Variants in HMCN1 observed in about 807,000 individuals in gnomAD.
HMCN1 encodes the protein hemicentin-1.
In HMCN1, 321 loss-of-function variants were observed where a neutral mutation model predicts 625.9. That is an observed-to-expected ratio of 0.51 (90% CI 0.47 to 0.56). HMCN1 has a LOEUF of 0.56. Among genes scored for constraint, HMCN1 ranks in the 20% least tolerant of loss-of-function variants. The probability of loss-of-function intolerance (pLI) is 0.00; values close to 1 mark genes in which losing one functional copy is unlikely to be tolerated. For synonymous variants in HMCN1, 2,425 were observed against 2,417.6 expected (o/e 1.00, Z -0.09); for missense variants, 6,588 against 6,887.3 (o/e 0.96, Z 1.54).
At chr1:186,016,471 G>A (rs138130239) in intron 32 of HMCN1, among the ~76,000 whole-genome samples, 35 of 152,152 alleles carry the variant, frequency 2.3e-4, no homozygotes, top group African/African-American at 8.4e-4. Flanking sequence ...ATTTGCAAGT[G>A]CATAGATACA....
At chr1:186,169,498 A>G (rs1652087511) in intron 100 of HMCN1, among the ~76,000 whole-genome samples, 2 of 152,228 alleles carry the variant, frequency 1.3e-5, no homozygotes, top group South Asian at 4.1e-4. Flanking sequence ...AGATATACAG[A>G]CAAATGGAAC....
At chr1:185,852,823 G>A (rs1469392232) in intron 2 of HMCN1, among the ~76,000 whole-genome samples, 3 of 151,928 alleles carry the variant, frequency 2.0e-5, no homozygotes, top group Admixed American at 6.6e-5. Flanking sequence ...TTGTAAATGA[G>A]CAACAGTTTT....
intron 42 of HMCN1, among the ~76,000 whole-genome samples, chr1:186,051,095 C>T (rs1032936223): frequency 2.0e-5 from 3 of 151,662 alleles, no homozygotes; most frequent in African/African-American, 7.3e-5. Context: ...TAGTGTGATG[C>T]AAGGAGAGAG....
At chr1:186,000,265 T>C (rs747317710) in intron 26 of HMCN1, 26 bp downstream of exon 26, 2 of 1,550,716 alleles carry the variant, frequency 1.3e-6, no homozygotes, top group South Asian at 1.1e-5. Context: ...ATCATGTAAC[T>C]GACTGTTTGC....
intron 1 of HMCN1, among the ~76,000 whole-genome samples, chr1:185,757,114 A>T (rs2102110791): frequency 6.6e-6 from 1 of 152,268 alleles, no homozygotes; most frequent in East Asian, 1.9e-4. Context: ...AGCTGGGATT[A>T]CAGGCGCCTG....
intron 1 of HMCN1, among the ~76,000 whole-genome samples, chr1:185,824,861 T>A (rs1443068359): frequency 6.6e-6 from 1 of 152,160 alleles, no homozygotes; most frequent in Non-Finnish European, 1.5e-5. Flanking sequence ...GCAATATATT[T>A]ATTTTGTTAA....
chr1:185,814,735 AG>A (rs1366438677), intron 1 of HMCN1, among the ~76,000 whole-genome samples: 2 of 148,862 alleles, frequency 1.3e-5, no homozygotes, highest in Non-Finnish European at 2.9e-5. Flanking sequence ...TCTGTAGCCC[AG>A]GCTGGAGTGC....
intron 25 of HMCN1, 66 bp downstream of exon 25, chr1:185,997,590 CCCAAATT>C (rs1652891995): frequency 9.2e-7 from 1 of 1,083,992 alleles, no homozygotes; most frequent in African/African-American, 1.6e-5. Context: ...CTATATTGAA[CCCAAATT>C]GTCATCCTTA....
chr1:185,837,375 T>C (rs996174871), intron 1 of HMCN1, among the ~76,000 whole-genome samples: 1 of 152,092 alleles, frequency 6.6e-6, no homozygotes, highest in Non-Finnish European at 1.5e-5. Context: ...ATGTGAGCTT[T>C]GTTCCCGTTG....
Position 186,023,045 on chromosome 1 carries a change from C to T in HMCN1, c.5641C>T (p.Arg1881Ter), listed in dbSNP as rs762269912. The T allele has an allele frequency of 6.2e-6, 10 of 1,613,160 alleles. No homozygotes were observed. The highest frequency in any genetic ancestry group is 6.8e-6 in the Non-Finnish European group (8 of 1,179,460). Residue 1881 changes from arginine to a stop codon, truncating the protein, a stop_gained, in exon 36 of 107, where the codon CGA (arginine) becomes TGA (stop). Transcript: ENST00000271588. LOFTEE classifies it high-confidence loss of function. Reference sequence around the variant, plus strand: ...TCCCAATTAGATACAGTCTTCTGGTCGAGTTCTACAAATTGCCAAAACCCT... The same window carrying T: ...TCCCAATTAGATACAGTCTTCTGGTTGAGTTCTACAAATTGCCAAAACCCT... ...QGNLKIQSSGRVLQIAKTLLE... is the reference protein window; with the variant it reads ...QGNLKIQSSG
At chr1:186,174,771 T>C in intron 103 of HMCN1, 129 bp downstream of exon 103, 2 of 827,388 alleles carry the variant, frequency 2.4e-6, no homozygotes, top group South Asian at 3.0e-5. Context: ...TGTGAATTGA[T>C]TTACGTCATT....
At chr1:185,866,054 A>G (rs956431649) in intron 4 of HMCN1, among the ~76,000 whole-genome samples, 191 bp downstream of exon 4, 11 of 152,134 alleles carry the variant, frequency 7.2e-5, no homozygotes, top group African/African-American at 2.4e-4. Context: ...TAATTTTTAG[A>G]TTGTATTACT....
At chr1:185,959,552 AC>A (rs1260467937) in intron 11 of HMCN1, among the ~76,000 whole-genome samples, 1 of 152,188 alleles carries the variant, frequency 6.6e-6, no homozygotes, top group Non-Finnish European at 1.5e-5. Context: ...GCAAATTAAT[AC>A]CTTGCCCCCT....
intron 4 of HMCN1, among the ~76,000 whole-genome samples, chr1:185,882,205 A>G (rs185452919): frequency 1.1e-4 from 17 of 152,328 alleles, no homozygotes; most frequent in Admixed American, 2.6e-4. Context: ...TGCATTGACC[A>G]TAGTAGACTT....
chr1:186,175,249 T>G (rs1361605445), intron 103 of HMCN1, among the ~76,000 whole-genome samples: 1 of 152,186 alleles, frequency 6.6e-6, no homozygotes, highest in African/African-American at 2.4e-5. Context: ...ATTAATGCAT[T>G]TATAATCAAG....
intron 106 of HMCN1, among the ~76,000 whole-genome samples, chr1:186,188,598 A>T (rs1461467360): frequency 6.6e-6 from 1 of 152,162 alleles, no homozygotes; most frequent in East Asian, 1.9e-4. Flanking sequence ...TACCAAGTTA[A>T]CAGGGTGATT....
chr1:185,823,600 A>G (rs1194459475), intron 1 of HMCN1, among the ~76,000 whole-genome samples: 2 of 152,176 alleles, frequency 1.3e-5, no homozygotes, highest in African/African-American at 2.4e-5. Flanking sequence ...CCAAGTGGCC[A>G]TCTCTTGGCT....
rs769407074 is a variant in HMCN1, at chr1:186,125,672, T to C, written c.12568T>C (p.Cys4190Arg). ...TGAGAATTCACAAGCCATTCTTCCATGCGTAGCTGATGGAATCCCCACACC... is the reference window on the plus strand; with the variant it reads ...TGAGAATTCACAAGCCATTCTTCCACGCGTAGCTGATGGAATCCCCACACC... The part of the protein sequence containing the change: ...VNENSQAILP[C>R]VADGIPTPAI... Residue 4190 changes from cysteine (C) to arginine (R), a missense_variant, in exon 82 of 107, where the codon TGC (cysteine) becomes CGC (arginine). Cys to Arg is a radical substitution (Grantham distance 180, BLOSUM62 -3). Transcript: ENST00000271588. 2.5e-6 allele frequency: 4 copies of C among 1,613,406 alleles called. No individual in the cohort carries two copies.
intron 105 of HMCN1, among the ~76,000 whole-genome samples, chr1:186,186,506 G>A (rs756682305): frequency 2.0e-5 from 3 of 152,142 alleles, no homozygotes; most frequent in Admixed American, 6.5e-5. Flanking sequence ...CAGCTTGGGC[G>A]ACAGAGTGAG....
Sources: allele counts gnomAD v4.1 joint callset (sites outside exome capture counted in the v4.1 genomes callset), GRCh38; gene constraint gnomAD v4.1.1; transcripts MANE v1.5; gene names NCBI Gene and HGNC (gene_info 2026-07-23, HGNC 2026-07-21).